The following ASB16 variants were observed in gnomAD, a reference collection of about 807,000 sequenced individuals.
The protein encoded by ASB16 is ankyrin repeat and SOCS box containing 16.
Under a neutral mutation model 39.1 loss-of-function variants are expected in ASB16, and 44 were observed. The observed-to-expected ratio is 1.13, with a 90% confidence interval of 0.88 to 1.45. The LOEUF (loss-of-function observed/expected upper bound fraction) is 1.45, where lower values mean the gene tolerates loss of function less well. Among genes scored for constraint, ASB16 ranks in the 40% most tolerant of loss-of-function variants. The probability of loss-of-function intolerance (pLI) is 0.00; values close to 1 mark genes in which losing one functional copy is unlikely to be tolerated. For missense variants in ASB16, 698 were observed against 634.5 expected, an observed-to-expected ratio of 1.10 and a Z score of -1.07; for synonymous variants, 305 against 286.7, an observed-to-expected ratio of 1.06 and a Z score of -0.64.
chr17:44,178,767 T>C lies in ASB16; in HGVS notation c.*377T>C, dbSNP rs573927298. On this transcript the variant is annotated 3_prime_UTR_variant, in exon 5 of 5. Transcript: ENST00000293414. ...TACAGGCATGAGCCACTGCGCCTGG[T>C]TGCCTGCCCCTCTTTTCTGTACTCC... 4 of 251,576 alleles carry C rather than the reference T, an allele frequency of 1.6e-5. No individual in the cohort carries two copies. The South Asian group carries it at 1.7e-4, about 11-fold the overall frequency. 15.6% of individuals were successfully genotyped at this position (251,576 alleles called of 1,614,324 possible).
At chr17:44,177,752 G>A in intron 4 of ASB16, 30 bp downstream of exon 4, 1 of 1,606,566 alleles carries the variant, frequency 6.2e-7, no homozygotes, top group Middle Eastern at 1.7e-4. Context: ...GAGATGGGGA[G>A]GAGGGACGAG....
intron 2 of ASB16, among the ~76,000 whole-genome samples, chr17:44,174,488 C>T (rs2054270474): frequency 6.6e-6 from 1 of 152,188 alleles, no homozygotes; most frequent in African/African-American, 2.4e-5. Flanking sequence ...TGAACCAATA[C>T]ACCAACCCTC....
Position 44,170,726 on chromosome 17 carries a change from G to T in ASB16, c.-64G>T. On this transcript the variant is annotated 5_prime_UTR_variant, in exon 1 of 5. Coordinates refer to ENST00000293414, the MANE Select transcript of ASB16 (RefSeq NM_080863.5). ...AGGGTGGCTCCTCAGAGCAAGGGAG[G>T]TAGTCGGGTCGAGGGAACCTGGCTC... 1 of 1,507,732 alleles carries T rather than the reference G, an allele frequency of 6.6e-7. No homozygotes were observed. The highest frequency in any genetic ancestry group is 8.9e-7 in the Non-Finnish European group (1 of 1,122,392). The allele number at this position is 1,507,732 out of a possible 1,614,324, so 93.4% of individuals were successfully genotyped here.
Position 44,178,398 on chromosome 17 carries a change from G to A in ASB16, c.*8G>A, listed in dbSNP as rs778609170. 7 of 1,579,012 alleles carry A rather than the reference G, an allele frequency of 4.4e-6. No homozygotes were observed. The highest frequency in any genetic ancestry group is 6.0e-6 in the Non-Finnish European group (7 of 1,159,568). On this transcript the variant is annotated 3_prime_UTR_variant, in exon 5 of 5. Coordinates refer to ENST00000293414, the MANE Select transcript of ASB16 (RefSeq NM_080863.5). Reference sequence around the variant, plus strand: ...GAGGGGTGCATCCAGTGAACCCCATGTCAGGCTGTCCCATGGTGTGTTCTG... The same window carrying A: ...GAGGGGTGCATCCAGTGAACCCCATATCAGGCTGTCCCATGGTGTGTTCTG...
intron 3 of ASB16, 45 bp downstream of exon 3, chr17:44,177,275 C>G (rs1171970476): frequency 6.7e-6 from 10 of 1,484,688 alleles, no homozygotes; most frequent in African/African-American, 2.8e-5. Flanking sequence ...TGTGGGGGAG[C>G]CCGCGGCTGG....
intron 1 of ASB16, among the ~76,000 whole-genome samples, chr17:44,171,718 T>C (rs1470000057): frequency 1.3e-5 from 2 of 152,084 alleles, no homozygotes; most frequent in African/African-American, 4.8e-5. Context: ...CCTTTGACAC[T>C]ATTAGCCATT....
rs763385351 is a variant in ASB16, at chr17:44,176,830, G to GCCTGGAGCAACATGTGGCTCTGTA, written c.672_695dup (p.Gln224_Glu231dup). 2.0e-4 allele frequency: 327 copies of GCCTGGAGCAACATGTGGCTCTGTA among 1,612,666 alleles called. No individual in the cohort carries two copies. Among genetic ancestry groups the GCCTGGAGCAACATGTGGCTCTGTA allele is most frequent in the Middle Eastern group, 5.0e-4 (3 of 6,032 alleles). The stretch of plus-strand genomic sequence containing the variant: ...CCCCTGCACGTGGCGGCGGCGCGCG[G>GCCTGGAGCAACATGTGGCTCTGTA]CCTGGAGCAACATGTGGCTCTGTAC... On this transcript the variant is annotated inframe_insertion, in exon 3 of 5. Transcript: ENST00000293414.
At position 44,170,936 on chromosome 17, in the gene ASB16, C is replaced by A; in HGVS notation, c.147C>A (p.Leu49=). Residue 49 remains leucine (L), a synonymous_variant, in exon 1 of 5, where the codon CTC becomes CTA. Transcript: ENST00000293414. ...RRCPSSPRAR[L]TRPHRSCRDP... ...GCCCGTCAAGTCCCCGGGCCCGACT[C>A]ACTAGGCCTCACCGTTCCTGCCGAG... The A allele has an allele frequency of 6.2e-7, 1 of 1,613,514 alleles. No individual in the cohort carries two copies.
chr17:44,175,334 G>A (rs575884377), intron 2 of ASB16, among the ~76,000 whole-genome samples: 15 of 144,214 alleles, frequency 1.0e-4, no homozygotes, highest in South Asian at 4.5e-4. Flanking sequence ...CCCGGGAGGC[G>A]GAACTTGCAG....
chr17:44,178,312 G>T lies in ASB16; in HGVS notation c.1284G>T (p.Arg428=), dbSNP rs1209359030. 1 of 1,612,034 alleles carries T rather than the reference G, an allele frequency of 6.2e-7. No individual in the cohort carries two copies. The highest frequency in any genetic ancestry group is 1.3e-5 in the African/African-American group (1 of 75,010). Residue 428 remains arginine (R), a synonymous_variant, in exon 5 of 5, where the codon CGG becomes CGT. Transcript: ENST00000293414. ...GCGCTCGGTTGGGAAGCCGCTGCCG[G>T]CAGGGTGCCACCCGGCTGCCACTGC... ...AVRARLGSRC[R]QGATRLPLPP...
intron 2 of ASB16, among the ~76,000 whole-genome samples, chr17:44,175,746 T>C (rs1268598801): frequency 1.3e-5 from 2 of 152,228 alleles, no homozygotes; most frequent in Non-Finnish European, 2.9e-5. Context: ...TAAGGATGCA[T>C]GTTTGCCACA....
At chr17:44,171,145 G>A (rs959008537) in intron 1 of ASB16, 55 bp downstream of exon 1, 97 of 1,547,896 alleles carry the variant, frequency 6.3e-5, no homozygotes, top group Non-Finnish European at 8.4e-5. Flanking sequence ...GGAGTGGGTG[G>A]GGAAGGGGGA....
chr17:44,177,159 TC>T lies in ASB16; in HGVS notation c.996del (p.Asn333ThrfsTer24). On this transcript the variant is annotated frameshift_variant, in exon 3 of 5. Transcript: ENST00000293414. LOFTEE classifies it high-confidence loss of function. Reference sequence around the variant, plus strand: ...CTGTGCGCTGCAGGCCGTCCAGGACTCCCCCAACTGGGAGCCTGAAGTCCTT... The same window carrying T: ...CTGTGCGCTGCAGGCCGTCCAGGACTCCCCAACTGGGAGCCTGAAGTCCTT... ...MDCALQAVQD[S>X]PNWEPEVLFA... 2 of 1,524,054 alleles carry T rather than the reference TC, an allele frequency of 1.3e-6. No individual in the cohort carries two copies. 94.4% of individuals were successfully genotyped at this position (1,524,054 alleles called of 1,614,324 possible).
At position 44,177,392 on chromosome 17, in the gene ASB16, G is replaced by A. The variant is rs1157959006; in HGVS notation, c.1062+162G>A. 4.9e-6 allele frequency: 6 copies of A among 1,219,370 alleles called. No homozygotes were observed. In the African/African-American group the frequency reaches 7.8e-5, roughly 16 times the overall value. 75.5% of individuals were successfully genotyped at this position (1,219,370 alleles called of 1,614,324 possible). A position where few individuals can be genotyped will look rare whatever the true frequency, so the allele number is the denominator to read the frequency against. On this transcript the variant is annotated intron_variant, in intron 3 of 4. Transcript: ENST00000293414. ...GGGAGGGGGAGAGAGGATTCTGGGAGAGAGAGTCCAAGGGAGGGAAGAGCC... is the reference window on the plus strand; with the variant it reads ...GGGAGGGGGAGAGAGGATTCTGGGAAAGAGAGTCCAAGGGAGGGAAGAGCC...
chr17:44,174,215 T>C (rs889365993), intron 2 of ASB16, among the ~76,000 whole-genome samples: 25 of 152,028 alleles, frequency 1.6e-4, no homozygotes, highest in Admixed American at 1.1e-3. Flanking sequence ...AATTTTTTTT[T>C]TCTGTATTTT....
Position 44,176,920 on chromosome 17 carries a change from G to A in ASB16, c.752G>A (p.Cys251Tyr). The A allele has an allele frequency of 6.4e-7, 1 of 1,555,166 alleles. No individual in the cohort carries two copies. Among genetic ancestry groups the A allele is most frequent in the Non-Finnish European group, 8.6e-7 (1 of 1,159,418 alleles). The change falls in exon 3 of 5, where the codon TGC becomes TAC. Residue 251 changes from cysteine to tyrosine, a missense_variant. Coordinates refer to ENST00000293414, the MANE Select transcript of ASB16 (RefSeq NM_080863.5). ...SQGETALNTA[C>Y]AGAEGPGSCR... ...GGCGAGACTGCGCTGAACACGGCGT[G>A]CGCTGGGGCCGAGGGCCCAGGTAGC...
In ASB16 at chr17:44,176,831, C is replaced by T; in HGVS notation, c.663C>T (p.Gly221=). 1 of 1,612,272 alleles carries T rather than the reference C, an allele frequency of 6.2e-7. No individual in the cohort carries two copies. The highest frequency in any genetic ancestry group is 2.2e-5 in the East Asian group (1 of 44,870). Reference sequence around the variant, plus strand: ...CCCTGCACGTGGCGGCGGCGCGCGGCCTGGAGCAACATGTGGCTCTGTACC... The same window carrying T: ...CCCTGCACGTGGCGGCGGCGCGCGGTCTGGAGCAACATGTGGCTCTGTACC... ...ETPLHVAAAR[G]LEQHVALYLE... The change falls in exon 3 of 5, where the codon GGC becomes GGT. Residue 221 remains glycine (G), a synonymous_variant. Coordinates refer to ENST00000293414, the MANE Select transcript of ASB16 (RefSeq NM_080863.5).
Position 44,176,864 on chromosome 17 carries a change from TG to T in ASB16, c.698del (p.Gly233AlafsTer15). 1 of 1,608,838 alleles carries T rather than the reference TG, an allele frequency of 6.2e-7. No homozygotes were observed. Among genetic ancestry groups the T allele is most frequent in the South Asian group, 1.1e-5 (1 of 90,928 alleles). ...AACATGTGGCTCTGTACCTGGAGCATGGCGCCGACGTGGGCCTGCGCACCAG... is the reference window on the plus strand; with the variant it reads ...AACATGTGGCTCTGTACCTGGAGCATGCGCCGACGTGGGCCTGCGCACCAG... The part of the protein sequence containing the change: ...EQHVALYLEH[G>X]ADVGLRTSQG... On this transcript the variant is annotated frameshift_variant, in exon 3 of 5. Coordinates refer to ENST00000293414, the MANE Select transcript of ASB16 (RefSeq NM_080863.5). LOFTEE classifies it high-confidence loss of function.
chr17:44,177,851 G>A, intron 4 of ASB16, 129 bp downstream of exon 4: 1 of 1,343,418 alleles, frequency 7.4e-7, no homozygotes, highest in Non-Finnish European at 1.0e-6. Context: ...GGCACCCCTG[G>A]GTTTCAGGGT....
Sources: gnomAD v4.1 joint callset for allele counts (sites outside exome capture counted in the v4.1 genomes callset) on GRCh38, gnomAD v4.1.1 for gene constraint, MANE v1.5 for transcripts, NCBI Gene and HGNC (gene_info 2026-07-23, HGNC 2026-07-21) for gene names.